Variants in GLIPR1L2 observed in about 807,000 individuals in gnomAD.
GLIPR1L2 encodes the protein GLIPR1-like protein 2.
A neutral mutation model predicts 28.4 loss-of-function variants in GLIPR1L2; 21 were observed. The observed-to-expected ratio is 0.74, with a 90% CI of 0.52 to 1.06. GLIPR1L2 has a LOEUF of 1.06. Ranked by LOEUF, GLIPR1L2 falls within the 50% of genes least tolerant of loss-of-function variation. The probability of loss-of-function intolerance (pLI) is 0.00; values close to 1 mark genes in which losing one functional copy is unlikely to be tolerated. For synonymous variants in GLIPR1L2, 145 were observed against 139.3 expected (o/e 1.04, Z -0.29); for missense variants, 476 against 416.9 (o/e 1.14, Z -1.23).
intron 1 of GLIPR1L2, among the ~76,000 whole-genome samples, chr12:75,409,563 G>GTGTGTATA (rs1566069358): frequency 1.1e-5 from 1 of 92,522 alleles, no homozygotes; most frequent in African/African-American, 3.2e-5. Context: ...TTGGGTGTGT[G>GTGTGTATA]TGTATATATA....
At chr12:75,425,977 A>C (rs1341396211) in intron 4 of GLIPR1L2, among the ~76,000 whole-genome samples, 1 of 152,222 alleles carries the variant, frequency 6.6e-6, no homozygotes, top group Non-Finnish European at 1.5e-5. Flanking sequence ...TAAAACTATA[A>C]CTATGGACTC....
rs770973058 is a variant in GLIPR1L2 at position 75,391,298 on chromosome 12, A to C, written c.182A>C (p.His61Pro). Reference sequence around the variant, plus strand: ...TTTATCAACGAGTACGTGAACCTCCACAATGAGCTGCGGGGCGACGTCATT... The same window carrying C: ...TTTATCAACGAGTACGTGAACCTCCCCAATGAGCTGCGGGGCGACGTCATT... Reference protein sequence around the residue: ...VDFINEYVNLHNELRGDVIPR... With the variant: ...VDFINEYVNLPNELRGDVIPR... The change falls in exon 1 of 6, where the codon CAC becomes CCC. Residue 61 changes from histidine (H) to proline (P), a missense_variant. Coordinates refer to ENST00000550916, the MANE Select transcript of GLIPR1L2 (RefSeq NM_001270396.2). 1 of 1,614,214 alleles carries C rather than the reference A, an allele frequency of 6.2e-7. No homozygotes were observed. The highest frequency in any genetic ancestry group is 1.7e-5 in the Admixed American group (1 of 60,026).
intron 4 of GLIPR1L2, among the ~76,000 whole-genome samples, chr12:75,424,508 T>C (rs1008229136): frequency 5.3e-5 from 8 of 152,146 alleles, no homozygotes; most frequent in African/African-American, 1.9e-4. Context: ...TGCAGTGGCA[T>C]GATCATAGCT....
intron 1 of GLIPR1L2, among the ~76,000 whole-genome samples, chr12:75,399,380 A>G (rs2139922551): frequency 6.6e-6 from 1 of 152,292 alleles, no homozygotes; most frequent in African/African-American, 2.4e-5. Flanking sequence ...AAAAGGTAAT[A>G]TTGCTTCATC....
At chr12:75,406,218 T>C (rs2045798371) in intron 1 of GLIPR1L2, among the ~76,000 whole-genome samples, 1 of 152,138 alleles carries the variant, frequency 6.6e-6, no homozygotes. Flanking sequence ...AATAGATTGC[T>C]TAAGTATTGT....
intron 3 of GLIPR1L2, among the ~76,000 whole-genome samples, chr12:75,421,552 A>G (rs1188003358): frequency 1.3e-5 from 2 of 152,200 alleles, no homozygotes; most frequent in East Asian, 1.9e-4. Context: ...TAAATAGGCA[A>G]TACTGATTAA....
intron 1 of GLIPR1L2, among the ~76,000 whole-genome samples, chr12:75,406,306 C>A (rs1226293939): frequency 6.6e-6 from 1 of 152,082 alleles, no homozygotes; most frequent in African/African-American, 2.4e-5. Flanking sequence ...TTTCCAAGAT[C>A]AAATTCTAAA....
rs752956270 is a variant in GLIPR1L2, at chr12:75,431,099, G to GAGGAAGAGAAGA, written c.974_975insGGAAGAGAAGAA (p.Glu326_Arg327insGluLysLysGlu). 6.0e-6 allele frequency: 7 copies of GAGGAAGAGAAGA among 1,165,242 alleles called. No homozygotes were observed. The South Asian group carries it at 7.9e-5, about 13-fold the overall frequency. The allele number at this position is 1,165,242 out of a possible 1,614,324, so 72.2% of individuals were successfully genotyped here. A position where few individuals can be genotyped will look rare whatever the true frequency, so the allele number is the denominator to read the frequency against. ...AATAATGGAAATGGAGGAGGAAAAA[G>GAGGAAGAGAAGA]AAGAGAGAGAGGAGGAGGAGGAGGA... On this transcript the variant is annotated inframe_insertion, in exon 6 of 6. Transcript: ENST00000550916.
chr12:75,429,210 G>A (rs2046065693), intron 4 of GLIPR1L2, among the ~76,000 whole-genome samples: 1 of 152,242 alleles, frequency 6.6e-6, no homozygotes. Flanking sequence ...CAGAGCCACA[G>A]GGGCAGAGCT....
At chr12:75,394,725 A>G (rs541971227) in intron 1 of GLIPR1L2, among the ~76,000 whole-genome samples, 88 of 131,474 alleles carry the variant, frequency 6.7e-4, no homozygotes, top group African/African-American at 2.4e-3. Flanking sequence ...GTCCTTTCAG[A>G]TTTTTTACGA....
Position 75,410,575 on chromosome 12 carries a change from A to T in GLIPR1L2, c.376A>T (p.Asn126Tyr). The T allele has an allele frequency of 1.2e-6, 2 of 1,612,436 alleles. No homozygotes were observed. The highest frequency in any genetic ancestry group is 1.7e-6 in the Non-Finnish European group (2 of 1,178,962). ...TGAAAATATGTGGGTCGGCCCTGAA[A>T]ATGAATTTACTGCAAGTATTGCTAT... ...IGENMWVGPE[N>Y]EFTASIAIRS... Residue 126 changes from asparagine (N) to tyrosine (Y), a missense_variant, in exon 2 of 6, where the codon AAT (asparagine) becomes TAT (tyrosine). Coordinates refer to ENST00000550916, the MANE Select transcript of GLIPR1L2 (RefSeq NM_001270396.2).
At chr12:75,394,448 A>G (rs1262401484) in intron 1 of GLIPR1L2, among the ~76,000 whole-genome samples, 9 of 151,978 alleles carry the variant, frequency 5.9e-5, no homozygotes, top group Admixed American at 3.3e-4. Flanking sequence ...ATTCTTTTGC[A>G]TGTGGATATC....
chr12:75,426,103 C>T (rs1199846255), intron 4 of GLIPR1L2, among the ~76,000 whole-genome samples: 1 of 151,960 alleles, frequency 6.6e-6, no homozygotes, highest in East Asian at 1.9e-4. Flanking sequence ...ACAAATTTTA[C>T]AGAAATAAAA....
chr12:75,400,707 T>C (rs1282108099), intron 1 of GLIPR1L2, among the ~76,000 whole-genome samples: 2 of 152,148 alleles, frequency 1.3e-5, no homozygotes, highest in Non-Finnish European at 2.9e-5. Flanking sequence ...TTAATGCGTG[T>C]TGATAATTTC....
At chr12:75,399,835 T>C (rs947816017) in intron 1 of GLIPR1L2, among the ~76,000 whole-genome samples, 1 of 152,200 alleles carries the variant, frequency 6.6e-6, no homozygotes, top group Admixed American at 6.5e-5. Context: ...CAAAATGATA[T>C]AGTCCTTGTA....
chr12:75,410,808 A>T (rs764371673), intron 2 of GLIPR1L2, 129 bp downstream of exon 2: 1 of 688,550 alleles, frequency 1.5e-6, no homozygotes, highest in Non-Finnish European at 2.3e-6. Context: ...TCACAATTTT[A>T]ATCAATCTTC....
intron 4 of GLIPR1L2, chr12:75,423,613 A>G: frequency 2.7e-6 from 1 of 372,486 alleles, no homozygotes; most frequent in Non-Finnish European, 3.7e-6. Flanking sequence ...GTACCTGTGC[A>G]GAACGTGCAG....
chr12:75,412,428 T>C (rs932452679), intron 2 of GLIPR1L2, among the ~76,000 whole-genome samples: 1 of 151,534 alleles, frequency 6.6e-6, no homozygotes, highest in African/African-American at 2.4e-5. Flanking sequence ...TGGGGGAAAA[T>C]TTTCACAACC....
At chr12:75,414,260 G>A (rs2045902540) in intron 3 of GLIPR1L2, among the ~76,000 whole-genome samples, 1 of 151,982 alleles carries the variant, frequency 6.6e-6, no homozygotes, top group South Asian at 2.1e-4. Context: ...GAAAATAACT[G>A]CATCTCAAAA....
Sources: gnomAD v4.1 joint callset for allele counts (sites outside exome capture counted in the v4.1 genomes callset) on GRCh38, gnomAD v4.1.1 for gene constraint, MANE v1.5 for transcripts, NCBI Gene and HGNC (gene_info 2026-07-23, HGNC 2026-07-21) for gene names.